TTLL11: variants seen among roughly 807,000 people sequenced by gnomAD.
TTLL11 encodes tubulin tyrosine ligase like 11.
TTLL11 carries 42 observed loss-of-function variants against 51.7 expected under a neutral mutation model. That is an observed-to-expected ratio of 0.81 (90% CI 0.64 to 1.05). The LOEUF (loss-of-function observed/expected upper bound fraction) is 1.05, where lower values mean the gene tolerates loss of function less well. TTLL11 is among the 50% of genes least tolerant of loss of function. TTLL11 has a pLI of 0.00. For synonymous variants in TTLL11, 381 were observed against 383.5 expected, an observed-to-expected ratio of 0.99 and a Z score of 0.08; for missense variants, 799 against 940.4, an observed-to-expected ratio of 0.85 and a Z score of 1.97.
chr9:122,042,469 G>C (rs1332114715), intron 1 of TTLL11, among the ~76,000 whole-genome samples: 2 of 152,238 alleles, frequency 1.3e-5, no homozygotes, highest in Non-Finnish European at 2.9e-5. Flanking sequence ...TTCCTTTCTG[G>C]TGGAAATGCA....
intron 8 of TTLL11, among the ~76,000 whole-genome samples, chr9:121,827,730 C>T (rs952116765): frequency 2.6e-5 from 4 of 151,912 alleles, no homozygotes; most frequent in African/African-American, 4.8e-5. Flanking sequence ...ATCAAGGTGG[C>T]GCAGGAAACG....
Position 121,948,304 on chromosome 9 carries a change from G to A in TTLL11, c.1481+25705C>T, listed in dbSNP as rs901564363. ...AAATGGAAATGCTTCTGGCAGACAG[G>A]GAATTGTCACTGACTTGAACTCTAG... On this transcript the variant is annotated intron_variant, in intron 6 of 8. Coordinates refer to ENST00000321582, the MANE Select transcript of TTLL11 (RefSeq NM_001139442.2). Among the ~76,000 whole-genome samples, 19 of 152,130 alleles carry A rather than the reference G, an allele frequency of 1.2e-4. 1 individual carries two copies. The highest frequency in any genetic ancestry group is 4.1e-4 in the African/African-American group (17 of 41,434).
At chr9:121,931,583 T>TA (rs1564311677) in intron 6 of TTLL11, among the ~76,000 whole-genome samples, 35,665 of 103,346 alleles carry the variant, frequency 0.35, 6,248 homozygotes, top group East Asian at 0.52. Context: ...TTTCTACTAT[T>TA]TAAAAAAAAA....
chr9:121,876,312 T>G (rs962865266), intron 6 of TTLL11, among the ~76,000 whole-genome samples: 1 of 152,248 alleles, frequency 6.6e-6, no homozygotes, highest in African/African-American at 2.4e-5. Flanking sequence ...TTCTAGTTGC[T>G]GAGAAGTTGC....
intron 6 of TTLL11, among the ~76,000 whole-genome samples, chr9:121,909,257 GC>G (rs1840034539): frequency 6.6e-6 from 1 of 152,176 alleles, no homozygotes; most frequent in Non-Finnish European, 1.5e-5. Context: ...ACAGCAAACT[GC>G]TGATCATGAG....
chr9:121,940,186 A>G (rs1365009468), intron 6 of TTLL11, among the ~76,000 whole-genome samples: 1 of 152,110 alleles, frequency 6.6e-6, no homozygotes, highest in Non-Finnish European at 1.5e-5. Flanking sequence ...GCTGTGTTAT[A>G]TTTTTTGAAT....
At chr9:122,055,972 G>A (rs957863060) in intron 1 of TTLL11, among the ~76,000 whole-genome samples, 7 of 152,230 alleles carry the variant, frequency 4.6e-5, no homozygotes, top group Non-Finnish European at 1.0e-4. Context: ...ACTAACTTGC[G>A]GAGCTGCCTC....
At chr9:122,063,467 T>G (rs1383172595) in intron 1 of TTLL11, among the ~76,000 whole-genome samples, 1 of 151,954 alleles carries the variant, frequency 6.6e-6, no homozygotes, top group East Asian at 1.9e-4. Flanking sequence ...ACAGAAAAAA[T>G]AAGATTGCGT....
At chr9:122,032,151 T>G (rs572971618) in intron 2 of TTLL11, among the ~76,000 whole-genome samples, 1 of 152,312 alleles carries the variant, frequency 6.6e-6, no homozygotes, top group East Asian at 1.9e-4. Flanking sequence ...GTCACCCCCT[T>G]AGGTAATGAA....
chr9:122,036,534 A>G (rs141085913), intron 2 of TTLL11, among the ~76,000 whole-genome samples: 136 of 152,034 alleles, frequency 8.9e-4, no homozygotes, highest in Middle Eastern at 3.4e-3. Context: ...GTCTTAATTC[A>G]TCAGCCAAAA....
chr9:122,031,970 G>A, intron 2 of TTLL11, 114 bp from the exon 3 acceptor site: 3 of 1,424,256 alleles, frequency 2.1e-6, no homozygotes, highest in Non-Finnish European at 2.8e-6. Context: ...TTTCAGGCAG[G>A]ATTTTTAAAA....
At position 122,065,126 on chromosome 9, in the gene TTLL11, GA is replaced by G. The variant is rs1390383885; in HGVS notation, c.463-25759del. On this transcript the variant is annotated intron_variant, in intron 1 of 8. Transcript: ENST00000321582. ...AGTCCCTAGGTCCCATCCCTACTGG[GA>G]AATCACATTTTAACAAATGCCCCAG... 2.6e-5 allele frequency among the ~76,000 whole-genome samples: 4 copies of G among 152,286 alleles called. No individual in the cohort carries two copies. In the East Asian group the frequency reaches 7.7e-4, roughly 29 times the overall value.
intron 1 of TTLL11, among the ~76,000 whole-genome samples, chr9:122,048,086 C>A (rs1422456266): frequency 2.0e-5 from 3 of 152,206 alleles, no homozygotes; most frequent in Admixed American, 6.5e-5. Flanking sequence ...CCTCCTCCCC[C>A]ATCTCCCTTC....
At chr9:121,899,378 C>CATATATATATGTATATATATATACATAT (rs1839670120) in intron 6 of TTLL11, among the ~76,000 whole-genome samples, 1 of 130,464 alleles carries the variant, frequency 7.7e-6, no homozygotes, top group East Asian at 2.2e-4. Context: ...TATATATATA[C>CATATATATATGTATATATATATACATAT]ATATATATAT....
intron 8 of TTLL11, among the ~76,000 whole-genome samples, chr9:121,858,981 G>A (rs2131378071): frequency 6.6e-6 from 1 of 152,340 alleles, no homozygotes; most frequent in Non-Finnish European, 1.5e-5. Flanking sequence ...GCAGCCAGAA[G>A]AGGGCGTGGC....
intron 6 of TTLL11, among the ~76,000 whole-genome samples, chr9:121,876,916 T>G (rs1200627054): frequency 1.3e-5 from 2 of 152,208 alleles, no homozygotes; most frequent in Non-Finnish European, 2.9e-5. Flanking sequence ...GGTCTAAGAA[T>G]CACTGGTCTA....
At chr9:122,016,810 T>C (rs1043903008) in intron 3 of TTLL11, among the ~76,000 whole-genome samples, 1 of 152,178 alleles carries the variant, frequency 6.6e-6, no homozygotes, top group African/African-American at 2.4e-5. Context: ...TCTTTCACCA[T>C]AATAAATACT....
intron 6 of TTLL11, among the ~76,000 whole-genome samples, chr9:121,873,969 T>C (rs1240575608): frequency 1.3e-5 from 2 of 150,694 alleles, no homozygotes; most frequent in Admixed American, 1.3e-4. Flanking sequence ...CTCAGCCTCC[T>C]GAGTAGCTGG....
chr9:122,034,149 T>C (rs1844635799), intron 2 of TTLL11, among the ~76,000 whole-genome samples: 2 of 152,242 alleles, frequency 1.3e-5, no homozygotes, highest in South Asian at 2.1e-4. Flanking sequence ...TGGTATTTTC[T>C]GCACTTTAAA....
Sources: allele counts gnomAD v4.1 joint callset (sites outside exome capture counted in the v4.1 genomes callset), GRCh38; gene constraint gnomAD v4.1.1; transcripts MANE v1.5; gene names NCBI Gene and HGNC (gene_info 2026-07-23, HGNC 2026-07-21).